The following SLC23A2 variants were observed in gnomAD, a reference collection of about 807,000 sequenced individuals.
SLC23A2 encodes solute carrier family 23 member 2.
A neutral mutation model predicts 73.3 loss-of-function variants in SLC23A2; 36 were observed. The ratio of observed to expected loss-of-function variants is 0.49; its 90% CI spans 0.38 to 0.65. The LOEUF (loss-of-function observed/expected upper bound fraction) is 0.65, where lower values mean the gene tolerates loss of function less well. SLC23A2 is among the 30% of genes least tolerant of loss of function. The pLI is 0.00. For synonymous variants in SLC23A2, 343 were observed against 327.3 expected, an observed-to-expected ratio of 1.05 and a Z score of -0.52; for missense variants, 507 against 841.6, an observed-to-expected ratio of 0.60 and a Z score of 4.92.
intron 3 of SLC23A2, among the ~76,000 whole-genome samples, chr20:4,925,381 T>C (rs1932634170): frequency 6.6e-6 from 1 of 152,172 alleles, no homozygotes; most frequent in Non-Finnish European, 1.5e-5. Context: ...TTATTTTTCT[T>C]CACAGAATTA....
rs770057790 is a variant in SLC23A2, at chr20:4,899,681, G to A, written c.356C>T (p.Ala119Val). 1 of 1,614,166 alleles carries A rather than the reference G, an allele frequency of 6.2e-7. No homozygotes were observed. The highest frequency in any genetic ancestry group is 2.2e-5 in the East Asian group (1 of 44,878). The change falls in exon 6 of 17, where the codon GCA becomes GTA. Residue 119 changes from alanine (A) to valine (V), a missense_variant. Ala to Val is a moderately conservative substitution (Grantham distance 64). This residue lies in a region of SLC23A2 where 217 missense variants were observed against 398.0 expected (regional missense o/e 0.55). Transcript: ENST00000338244. This position sits in a 1 kb window ranked among gnomAD's most constrained non-coding sequence, Gnocchi z 4.9. ...GGCATCGGCCAACAGGAAGGGCACTGCGATCGTGCCGCTGAAGCATGTCAG... is the reference window on the plus strand; with the variant it reads ...GGCATCGGCCAACAGGAAGGGCACTACGATCGTGCCGCTGAAGCATGTCAG... ...HYLTCFSGTI[A>V]VPFLLADAMC...
intron 1 of SLC23A2, among the ~76,000 whole-genome samples, chr20:4,989,070 C>G (rs950996501): frequency 7.9e-5 from 12 of 151,514 alleles, no homozygotes; most frequent in Non-Finnish European, 2.9e-5. Context: ...GAAACCCCAT[C>G]TCTACTAAAA....
rs773263877 is a variant in SLC23A2, at chr20:4,854,131, C to T, written c.*2841G>A. ...CTGGAGACTAACCGGCCTGCAAGGACATTCACATCCAAAATATTTTACAAC... is the reference window on the plus strand; with the variant it reads ...CTGGAGACTAACCGGCCTGCAAGGATATTCACATCCAAAATATTTTACAAC... On this transcript the variant is annotated 3_prime_UTR_variant, in exon 17 of 17. Transcript: ENST00000338244. 1 of 152,176 alleles carries T rather than the reference C, an allele frequency of 6.6e-6. No individual in the cohort carries two copies. Among genetic ancestry groups the T allele is most frequent in the Non-Finnish European group, 1.5e-5 (1 of 68,044 alleles). The allele number at this position is 152,176 out of a possible 1,614,324, so 9.4% of individuals were successfully genotyped here.
intron 1 of SLC23A2, among the ~76,000 whole-genome samples, chr20:4,990,208 G>T (rs1171371725): frequency 6.6e-6 from 1 of 152,014 alleles, no homozygotes; most frequent in Non-Finnish European, 1.5e-5. Flanking sequence ...TACCTACCCT[G>T]ACTAATACAG....
chr20:4,900,319 G>T (rs8116601), intron 5 of SLC23A2, among the ~76,000 whole-genome samples: 3,859 of 152,172 alleles, frequency 0.025, 170 homozygotes, highest in African/African-American at 0.089. Flanking sequence ...GAAATATTTG[G>T]GTTTCTTCCC....
chr20:4,984,132 C>T (rs2087781007), intron 1 of SLC23A2, among the ~76,000 whole-genome samples: 1 of 152,088 alleles, frequency 6.6e-6, no homozygotes, highest in Admixed American at 6.6e-5. Context: ...AGCTGGATGA[C>T]CCAGCACATG....
At chr20:4,866,077 C>T (rs905263666) in intron 13 of SLC23A2, among the ~76,000 whole-genome samples, 7 of 152,272 alleles carry the variant, frequency 4.6e-5, no homozygotes, top group Admixed American at 2.0e-4. Context: ...AGGTGATCTG[C>T]CCACCTCGGC....
At chr20:4,976,171 T>C (rs73599396) in intron 1 of SLC23A2, among the ~76,000 whole-genome samples, 2,042 of 151,958 alleles carry the variant, frequency 0.013, 44 homozygotes, top group African/African-American at 0.046. Flanking sequence ...CTTTTTTTTT[T>C]CCTACTTTTA....
Position 4,912,955 on chromosome 20 carries a change from G to T in SLC23A2, c.132C>A (p.Thr44=). Residue 44 remains threonine (T), a synonymous_variant, in exon 4 of 17, where the codon ACC becomes ACA. Transcript: ENST00000338244. ...TLPVVINGGA[T]SSGEQDNEDT... Reference sequence around the variant, plus strand: ...CCTCATTGTCCTGCTCACCGCTGGAGGTGGCGCCTCCATTTATCACCACCT... The same window carrying T: ...CCTCATTGTCCTGCTCACCGCTGGATGTGGCGCCTCCATTTATCACCACCT... 6.2e-7 allele frequency: 1 copy of T among 1,612,538 alleles called. No individual in the cohort carries two copies. The highest frequency in any genetic ancestry group is 8.5e-7 in the Non-Finnish European group (1 of 1,178,972).
intron 6 of SLC23A2, among the ~76,000 whole-genome samples, chr20:4,895,686 A>G (rs1302899619): frequency 2.0e-5 from 3 of 152,288 alleles, no homozygotes; most frequent in Middle Eastern, 3.4e-3. Context: ...ATCCTCAGAA[A>G]TGTAGGTTTG....
intron 11 of SLC23A2, among the ~76,000 whole-genome samples, chr20:4,871,276 C>T (rs1930436344): frequency 6.6e-6 from 1 of 152,138 alleles, no homozygotes; most frequent in Non-Finnish European, 1.5e-5. Context: ...AATTGCTCAA[C>T]TTCAAATGGA....
intron 13 of SLC23A2, among the ~76,000 whole-genome samples, chr20:4,865,350 G>A (rs529833752): frequency 3.3e-5 from 5 of 152,114 alleles, no homozygotes; most frequent in Non-Finnish European, 5.9e-5. Flanking sequence ...TGATAATAAC[G>A]ATAATGATGG....
chr20:4,982,043 G>A (rs1353536716), intron 1 of SLC23A2, among the ~76,000 whole-genome samples: 2 of 150,288 alleles, frequency 1.3e-5, no homozygotes, highest in East Asian at 4.0e-4. Flanking sequence ...CACCCAGGCT[G>A]GAGTGCAGTG....
intron 2 of SLC23A2, among the ~76,000 whole-genome samples, chr20:4,939,288 G>T (rs2087005991): frequency 6.6e-6 from 1 of 152,096 alleles, no homozygotes; most frequent in African/African-American, 2.4e-5. Flanking sequence ...AAGGCATGTG[G>T]TATAATGTAA....
chr20:4,865,553 C>T (rs1355457975), intron 13 of SLC23A2, among the ~76,000 whole-genome samples: 2 of 152,150 alleles, frequency 1.3e-5, no homozygotes, highest in Non-Finnish European at 2.9e-5. Flanking sequence ...GGAATGATTT[C>T]CCAAACTACC....
chr20:4,861,178 G>C (rs531527379), intron 15 of SLC23A2, among the ~76,000 whole-genome samples: 1 of 152,298 alleles, frequency 6.6e-6, no homozygotes, highest in East Asian at 1.9e-4. Context: ...TGAATCCATA[G>C]AAACAGAAAG....
chr20:4,869,747 G>T (rs1930364556), intron 12 of SLC23A2, 159 bp downstream of exon 12: 1 of 587,046 alleles, frequency 1.7e-6, no homozygotes. Flanking sequence ...ACAGTCGAAA[G>T]TAAACAAAGG....
chr20:4,886,872 C>T (rs945249237), intron 6 of SLC23A2, among the ~76,000 whole-genome samples: 1 of 152,142 alleles, frequency 6.6e-6, no homozygotes, highest in Non-Finnish European at 1.5e-5. Flanking sequence ...GAGACAGGGA[C>T]CCAGCATCCT....
chr20:4,883,724 T>C lies in SLC23A2; in HGVS notation c.742A>G (p.Thr248Ala). ...LLKYIGPLTI[T>A]PTVALIGLSG... ...AGGCCAATTAGGGCCACCGTGGGTG[T>C]AATGGTCAAGGGACCGATGTACTTC... The change falls in exon 9 of 17, where the codon ACA (threonine) becomes GCA (alanine). Residue 248 changes from threonine (T) to alanine (A), a missense_variant. Physicochemically the swap from Thr to Ala is moderately conservative, Grantham distance 58. Around this residue, in one of 5 missense-constraint regions of SLC23A2, gnomAD observed 217 missense variants for 398.0 expected, o/e 0.55. Coordinates refer to ENST00000338244, the MANE Select transcript of SLC23A2 (RefSeq NM_005116.6). This position sits in a 1 kb window ranked among gnomAD's most constrained non-coding sequence, Gnocchi z 4.5. 6.2e-7 allele frequency: 1 copy of C among 1,613,986 alleles called. No homozygotes were observed. Among genetic ancestry groups the C allele is most frequent in the Non-Finnish European group, 8.5e-7 (1 of 1,179,924 alleles).
Sources: allele counts gnomAD v4.1 joint callset (sites outside exome capture counted in the v4.1 genomes callset), GRCh38; gene constraint gnomAD v4.1.1; regional missense constraint gnomAD v4.1.1; non-coding constraint Gnocchi (gnomAD v3.1); transcripts MANE v1.5; gene names NCBI Gene and HGNC (gene_info 2026-07-23, HGNC 2026-07-21).